Variants in GTF2A1L observed in about 807,000 individuals in gnomAD.
GTF2A1L encodes general transcription factor IIA subunit 1 like.
GTF2A1L carries 48 observed loss-of-function variants against 49.7 expected under a neutral mutation model. The ratio of observed to expected loss-of-function variants is 0.97; its 90% CI spans 0.77 to 1.23. The LOEUF (loss-of-function observed/expected upper bound fraction) is 1.23, where lower values mean the gene tolerates loss of function less well. GTF2A1L is among the 50% of genes most tolerant of loss of function. GTF2A1L has a pLI of 0.00. For missense variants in GTF2A1L, 736 were observed against 564.8 expected (o/e 1.30, Z -3.07); for synonymous variants, 246 against 193.5 (o/e 1.27, Z -2.25).
At chr2:48,619,049 A>G (rs140915981) in intron 1 of GTF2A1L, among the ~76,000 whole-genome samples, 3 of 152,162 alleles carry the variant, frequency 2.0e-5, no homozygotes, top group Admixed American at 2.0e-4. Context: ...AGAAGCACCT[A>G]ATTTAGGGGC....
intron 3 of GTF2A1L, among the ~76,000 whole-genome samples, chr2:48,623,829 A>G (rs563494185): frequency 3.6e-4 from 55 of 152,350 alleles, no homozygotes; most frequent in African/African-American, 1.1e-3. Flanking sequence ...CATATATTGC[A>G]TGTTCTCACT....
At chr2:48,657,981 G>C (rs1174422027) in intron 6 of GTF2A1L, among the ~76,000 whole-genome samples, 1 of 151,956 alleles carries the variant, frequency 6.6e-6, no homozygotes, top group African/African-American at 2.4e-5. Flanking sequence ...AATTGTTTAA[G>C]TTTCTTATAA....
chr2:48,662,869 C>T (rs530049002), intron 6 of GTF2A1L, among the ~76,000 whole-genome samples: 2 of 151,722 alleles, frequency 1.3e-5, no homozygotes, highest in Non-Finnish European at 2.9e-5. Context: ...AACAAGAACA[C>T]GTGGATACTA....
At chr2:48,677,081 T>C (rs558599143) in intron 8 of GTF2A1L, among the ~76,000 whole-genome samples, 1 of 152,104 alleles carries the variant, frequency 6.6e-6, no homozygotes, top group South Asian at 2.1e-4. Context: ...TTGGTTTGTC[T>C]GTCCATAGGC....
intron 8 of GTF2A1L, among the ~76,000 whole-genome samples, chr2:48,674,161 G>A (rs1679329357): frequency 6.6e-6 from 1 of 152,190 alleles, no homozygotes; most frequent in Non-Finnish European, 1.5e-5. Flanking sequence ...TGTGGTAACA[G>A]CTTAAGGAAC....
rs548778708 is a variant in GTF2A1L at position 48,637,901 on chromosome 2, A to G, written c.248-4501A>G. Among the ~76,000 whole-genome samples, 12 of 152,230 alleles carry G rather than the reference A, an allele frequency of 7.9e-5. No homozygotes were observed. The South Asian group carries it at 2.5e-3, about 32-fold the overall frequency. On this transcript the variant is annotated intron_variant, in intron 3 of 8. Transcript: ENST00000403751. Reference sequence around the variant, plus strand: ...AACTAGAAATGAAGGGAGTGTTACCACTGACCCCACAGAAATAAAAATAAC... The same window carrying G: ...AACTAGAAATGAAGGGAGTGTTACCGCTGACCCCACAGAAATAAAAATAAC...
intron 6 of GTF2A1L, among the ~76,000 whole-genome samples, chr2:48,655,133 GT>G (rs957894973): frequency 6.1e-5 from 9 of 148,590 alleles, no homozygotes; most frequent in African/African-American, 1.2e-4. Flanking sequence ...ATGGACATAA[GT>G]TTTTTTTTTA....
In GTF2A1L at chr2:48,653,307, T is replaced by C. The variant is rs1049848439; in HGVS notation, c.978+6265T>C. 2.0e-5 allele frequency among the ~76,000 whole-genome samples: 3 copies of C among 151,986 alleles called. No individual in the cohort carries two copies. The East Asian group carries it at 5.8e-4, about 29-fold the overall frequency. ...TAAAATTCATCTTTTAAAAGGTAGC[T>C]TTTAGATTTACCATATGAATTTTGG... is the stretch of plus-strand genomic sequence containing the variant. On this transcript the variant is annotated intron_variant, in intron 6 of 8. Transcript: ENST00000403751.
intron 6 of GTF2A1L, among the ~76,000 whole-genome samples, chr2:48,656,357 T>TTTG (rs1558750572): frequency 7.4e-6 from 1 of 134,788 alleles, no homozygotes; most frequent in Non-Finnish European, 1.5e-5. Flanking sequence ...TGTTTTTTTT[T>TTTG]TTTTTTTTTT....
At chr2:48,654,819 T>A (rs2104242756) in intron 6 of GTF2A1L, among the ~76,000 whole-genome samples, 1 of 152,336 alleles carries the variant, frequency 6.6e-6, no homozygotes. Flanking sequence ...AATTACTACA[T>A]CTGTGTTGGT....
At chr2:48,673,883 G>C (rs1366068748) in intron 8 of GTF2A1L, among the ~76,000 whole-genome samples, 1 of 152,070 alleles carries the variant, frequency 6.6e-6, no homozygotes, top group Non-Finnish European at 1.5e-5. Context: ...AAGGTTTTAT[G>C]ACTTACTTTA....
At chr2:48,677,932 G>A (rs1679562142) in intron 8 of GTF2A1L, among the ~76,000 whole-genome samples, 1 of 151,596 alleles carries the variant, frequency 6.6e-6, no homozygotes, top group South Asian at 2.1e-4. Context: ...AGATTGTGAG[G>A]TTTGGGGAAG....
intron 5 of GTF2A1L, 63 bp downstream of exon 5, chr2:48,645,180 C>G (rs1317449792): frequency 6.9e-7 from 1 of 1,442,242 alleles, no homozygotes; most frequent in African/African-American, 1.4e-5. Context: ...GGACATTAAG[C>G]TTCATGATTT....
intron 8 of GTF2A1L, among the ~76,000 whole-genome samples, chr2:48,679,097 A>C (rs1286705999): frequency 6.6e-6 from 1 of 151,930 alleles, no homozygotes; most frequent in Non-Finnish European, 1.5e-5. Context: ...GTTTTTATAT[A>C]TAATATATAC....
rs773067799 is a variant in GTF2A1L at position 48,646,995 on chromosome 2, C to G, written c.931C>G (p.Gln311Glu). Residue 311 changes from glutamine (Q) to glutamate (E), a missense_variant, in exon 6 of 9, where the codon CAA becomes GAA. Gln to Glu is a conservative substitution (Grantham distance 29). Coordinates refer to ENST00000403751, the MANE Select transcript of GTF2A1L (RefSeq NM_006872.5). ...GATGTATGGATGTGATTCTGTAAAG[C>G]AACCAAGAAATATAGAGGAACCCAG... is the stretch of plus-strand genomic sequence containing the variant. ...NRMYGCDSVK[Q>E]PRNIEEPSNI... 4 of 1,613,756 alleles carry G rather than the reference C, an allele frequency of 2.5e-6. No individual in the cohort carries two copies. In the East Asian group the frequency reaches 8.9e-5, roughly 36 times the overall value.
intron 2 of GTF2A1L, 41 bp from the exon 3 acceptor site, chr2:48,621,126 A>G (rs1448248788): frequency 1.9e-6 from 3 of 1,583,788 alleles, no homozygotes; most frequent in African/African-American, 1.4e-5. Flanking sequence ...TTATATGTGT[A>G]TATATTTTTT....
intron 4 of GTF2A1L, among the ~76,000 whole-genome samples, chr2:48,644,335 T>C (rs1432771343): frequency 6.6e-6 from 1 of 152,232 alleles, no homozygotes; most frequent in African/African-American, 2.4e-5. Flanking sequence ...TTTTACTGTT[T>C]CTGTAATTTC....
chr2:48,620,119 T>TA (rs1020941516), intron 1 of GTF2A1L, among the ~76,000 whole-genome samples: 2 of 152,224 alleles, frequency 1.3e-5, no homozygotes, highest in Non-Finnish European at 2.9e-5. Context: ...TAGTGAACCC[T>TA]AAAAAATTCT....
intron 5 of GTF2A1L, among the ~76,000 whole-genome samples, chr2:48,645,516 G>C (rs1484612713): frequency 6.6e-6 from 1 of 152,182 alleles, no homozygotes; most frequent in Non-Finnish European, 1.5e-5. Context: ...TGCATGGTCT[G>C]ATAGGACATC....
Sources: allele counts gnomAD v4.1 joint callset (sites outside exome capture counted in the v4.1 genomes callset), GRCh38; gene constraint gnomAD v4.1.1; transcripts MANE v1.5; gene names NCBI Gene and HGNC (gene_info 2026-07-23, HGNC 2026-07-21).